Variants in F13A1 observed in about 807,000 individuals in gnomAD.
The protein encoded by F13A1 is coagulation factor XIII A chain, also known as FSF, A subunit.
F13A1 carries 47 observed loss-of-function variants against 80.1 expected under a neutral mutation model. The ratio of observed to expected loss-of-function variants is 0.59; its 90% confidence interval spans 0.46 to 0.75. F13A1 has a LOEUF of 0.75. F13A1 is among the 30% of genes least tolerant of loss of function. The pLI is 0.00. For synonymous variants in F13A1, 349 were observed against 344.9 expected (o/e 1.01, Z -0.13); for missense variants, 817 against 930.4 (o/e 0.88, Z 1.59).
chr6:6,298,129 C>G (rs1434575938), intron 3 of F13A1, among the ~76,000 whole-genome samples: 1,815 of 141,080 alleles, frequency 0.013, 18 homozygotes, highest in African/African-American at 0.043. Flanking sequence ...GTTATAATTT[C>G]TGTTCTTTTA....
At chr6:6,168,330 G>A (rs1760713307) in intron 12 of F13A1, among the ~76,000 whole-genome samples, 1 of 152,228 alleles carries the variant, frequency 6.6e-6, no homozygotes, top group Non-Finnish European at 1.5e-5. Context: ...GGAAGATGGA[G>A]AGTGGTCCTG....
intron 6 of F13A1, among the ~76,000 whole-genome samples, chr6:6,247,658 C>T (rs975137505): frequency 7.2e-5 from 11 of 152,278 alleles, no homozygotes; most frequent in East Asian, 1.9e-4. Flanking sequence ...CTGCAGAGAG[C>T]GGCATGAAAA....
At chr6:6,286,547 T>C (rs1758142479) in intron 3 of F13A1, among the ~76,000 whole-genome samples, 1 of 152,252 alleles carries the variant, frequency 6.6e-6, no homozygotes, top group African/African-American at 2.4e-5. Flanking sequence ...CAGTCTCTCC[T>C]GCCTTATGAG....
At chr6:6,171,964 T>G (rs181026492) in intron 12 of F13A1, among the ~76,000 whole-genome samples, 1 of 152,312 alleles carries the variant, frequency 6.6e-6, no homozygotes, top group Admixed American at 6.5e-5. Flanking sequence ...TCTCCACAGG[T>G]ACTCCCCGTT....
chr6:6,155,740 C>A (rs1037146926), intron 13 of F13A1, among the ~76,000 whole-genome samples: 1 of 152,240 alleles, frequency 6.6e-6, no homozygotes, highest in East Asian at 1.9e-4. Flanking sequence ...AGTGTTTTCA[C>A]GTTATGTGTT....
chr6:6,185,037 C>A (rs949049636), intron 10 of F13A1, among the ~76,000 whole-genome samples: 2 of 152,054 alleles, frequency 1.3e-5, no homozygotes, highest in East Asian at 1.9e-4. Context: ...TCAATTGACG[C>A]TCTATGGTAG....
chr6:6,251,174 T>G (rs1327060945), intron 4 of F13A1, among the ~76,000 whole-genome samples: 1 of 152,182 alleles, frequency 6.6e-6, no homozygotes, highest in Non-Finnish European at 1.5e-5. Context: ...CTCTGGCTCT[T>G]TAAGTTCCAA....
At chr6:6,304,548 T>C (rs1315560693) in intron 3 of F13A1, among the ~76,000 whole-genome samples, 3 of 152,128 alleles carry the variant, frequency 2.0e-5, no homozygotes, top group African/African-American at 7.2e-5. Context: ...TTGAAGCTAA[T>C]GTGCATCGTT....
intron 8 of F13A1, among the ~76,000 whole-genome samples, chr6:6,199,094 T>C (rs1761345107): frequency 6.6e-6 from 1 of 152,202 alleles, no homozygotes; most frequent in African/African-American, 2.4e-5. Flanking sequence ...TGGCAGGCAA[T>C]GCACGAAACT....
intron 3 of F13A1, among the ~76,000 whole-genome samples, chr6:6,269,062 T>A (rs1757884140): frequency 6.6e-6 from 1 of 152,152 alleles, no homozygotes; most frequent in Non-Finnish European, 1.5e-5. Flanking sequence ...TGATTTCTTT[T>A]TTGCTCTCTG....
intron 2 of F13A1, among the ~76,000 whole-genome samples, chr6:6,317,832 A>G (rs1758706355): frequency 6.6e-6 from 1 of 152,204 alleles, no homozygotes; most frequent in South Asian, 2.1e-4. Context: ...ATGAGTCTGA[A>G]TGTCCCTGCC....
At chr6:6,259,548 G>C (rs1490808082) in intron 4 of F13A1, among the ~76,000 whole-genome samples, 1 of 152,138 alleles carries the variant, frequency 6.6e-6, no homozygotes, top group African/African-American at 2.4e-5. Flanking sequence ...CTAAGAGATA[G>C]AGAAATCCAC....
rs1334956585 is a variant in F13A1, at chr6:6,236,597, AT to A, written c.798+11714del. On this transcript the variant is annotated intron_variant, in intron 6 of 14. Transcript: ENST00000264870. ...ATTTCTTTCTGCTTTTTAAAAAAAT[AT>A]GCAAGGGTACTTTTCTCCTCTGTGT... 3.3e-5 allele frequency among the ~76,000 whole-genome samples: 5 copies of A among 152,272 alleles called. No homozygotes were observed. The East Asian group carries it at 9.6e-4, about 29-fold the overall frequency.
At chr6:6,228,483 C>T (rs891141907) in intron 6 of F13A1, among the ~76,000 whole-genome samples, 9 of 151,972 alleles carry the variant, frequency 5.9e-5, no homozygotes, top group Admixed American at 3.3e-4. Flanking sequence ...CATGTAATCC[C>T]AGCCCTTTGA....
intron 2 of F13A1, among the ~76,000 whole-genome samples, chr6:6,310,285 G>A (rs1758571567): frequency 6.6e-6 from 1 of 152,194 alleles, no homozygotes; most frequent in South Asian, 2.1e-4. Context: ...ATATCTCAGA[G>A]GGGCAATGGT....
intron 3 of F13A1, among the ~76,000 whole-genome samples, chr6:6,275,716 C>T (rs1757979831): frequency 1.3e-5 from 2 of 152,158 alleles, no homozygotes; most frequent in Admixed American, 1.3e-4. Flanking sequence ...AACAGTCATT[C>T]CCTCTAACCC....
At chr6:6,226,046 G>C (rs1757272070) in intron 6 of F13A1, among the ~76,000 whole-genome samples, 1 of 152,214 alleles carries the variant, frequency 6.6e-6, no homozygotes, top group African/African-American at 2.4e-5. Flanking sequence ...CAGGAGCAAA[G>C]ACCTTTTGTG....
intron 1 of F13A1, among the ~76,000 whole-genome samples, chr6:6,319,878 A>G (rs1353299668): frequency 1.3e-5 from 2 of 152,180 alleles, no homozygotes; most frequent in Non-Finnish European, 2.9e-5. Flanking sequence ...TGGTGAGCTG[A>G]CGGGGGAAGG....
At chr6:6,283,138 G>A (rs564002736) in intron 3 of F13A1, among the ~76,000 whole-genome samples, 232 of 152,280 alleles carry the variant, frequency 1.5e-3, no homozygotes, top group African/African-American at 4.7e-3. Flanking sequence ...TGAAAGATAC[G>A]TGACTTGATT....
Sources: allele counts gnomAD v4.1 joint callset (sites outside exome capture counted in the v4.1 genomes callset), GRCh38; gene constraint gnomAD v4.1.1; transcripts MANE v1.5; gene names NCBI Gene and HGNC (gene_info 2026-07-23, HGNC 2026-07-21).